ADAM22: variants seen among roughly 807,000 people sequenced by gnomAD.
ADAM22 encodes ADAM metallopeptidase domain 22, also known as disintegrin and metalloproteinase domain-containing protein 22.
ADAM22 carries 65 observed loss-of-function variants against 144.6 expected under a neutral mutation model. The observed-to-expected ratio is 0.45, with a 90% CI of 0.37 to 0.55. The LOEUF is 0.55. Among genes scored for constraint, ADAM22 ranks in the 20% least tolerant of loss-of-function variants. The pLI is 0.00. For synonymous variants in ADAM22, 391 were observed against 412.6 expected, an observed-to-expected ratio of 0.95 and a Z score of 0.63; for missense variants, 974 against 1,184.9, an observed-to-expected ratio of 0.82 and a Z score of 2.61.
At chr7:88,101,272 G>T (rs1468689282) in intron 4 of ADAM22, among the ~76,000 whole-genome samples, 1 of 152,104 alleles carries the variant, frequency 6.6e-6, no homozygotes, top group Non-Finnish European at 1.5e-5. Flanking sequence ...TTGTGGAAGA[G>T]GGTGACTGGC....
chr7:87,955,884 C>G (rs1447205690), intron 2 of ADAM22, among the ~76,000 whole-genome samples: 1 of 152,194 alleles, frequency 6.6e-6, no homozygotes, highest in South Asian at 2.1e-4. Context: ...TCTCAGACTG[C>G]TGTGCTAGCA....
At chr7:87,938,021 T>C (rs994349857) in intron 2 of ADAM22, among the ~76,000 whole-genome samples, 1 of 152,116 alleles carries the variant, frequency 6.6e-6, no homozygotes, top group African/African-American at 2.4e-5. Context: ...TAAAGACCTG[T>C]TTATCTTAGG....
intron 3 of ADAM22, among the ~76,000 whole-genome samples, chr7:88,039,487 A>G (rs1269357778): frequency 1.5e-5 from 2 of 134,504 alleles, no homozygotes; most frequent in East Asian, 2.2e-4. Context: ...ATATATATAC[A>G]TTTCATGTAC....
At position 88,163,002 on chromosome 7, in the gene ADAM22, T is replaced by G. The variant is rs370156497; in HGVS notation, c.1908-10T>G. 9 of 1,601,846 alleles carry G rather than the reference T, an allele frequency of 5.6e-6. No homozygotes were observed. The highest frequency in any genetic ancestry group is 7.7e-6 in the Non-Finnish European group (9 of 1,176,334). ...AATAGATTCATTTTTTGCTCTCAAT[T>G]TGTTTTTAGTGGTGGGCATGTTAAG... is the stretch of plus-strand genomic sequence containing the variant. On this transcript the variant is annotated splice_polypyrimidine_tract_variant and intron_variant, in intron 22 of 31. Coordinates refer to ENST00000413139, the MANE Select transcript of ADAM22 (RefSeq NM_001324418.2).
rs147224506 is a variant in ADAM22, at chr7:88,015,923, C to A, written c.323+37511C>A. On this transcript the variant is annotated intron_variant, in intron 3 of 31. Transcript: ENST00000413139. ...GTGGTACACTTTTCCCATGAGACAA[C>A]TGCTTTCAAATCCTTCTTTTTTTTT... Among the ~76,000 whole-genome samples, 671 of 144,798 alleles carry A rather than the reference C, an allele frequency of 4.6e-3. 2 individuals carry two copies. The highest frequency in any genetic ancestry group is 0.016 in the African/African-American group (634 of 40,096). 95.0% of individuals were successfully genotyped at this position (144,798 alleles called of 152,430 possible). A position where few individuals can be genotyped will look rare whatever the true frequency, so the allele number is the denominator to read the frequency against.
intron 5 of ADAM22, among the ~76,000 whole-genome samples, chr7:88,111,521 G>A (rs1279918185): frequency 6.6e-6 from 1 of 152,060 alleles, no homozygotes; most frequent in Non-Finnish European, 1.5e-5. Context: ...TGGTGTGTTT[G>A]GTGTTAATGC....
At chr7:87,995,790 C>T (rs947515965) in intron 3 of ADAM22, among the ~76,000 whole-genome samples, 13 of 152,244 alleles carry the variant, frequency 8.5e-5, no homozygotes, top group East Asian at 7.7e-4. Context: ...AACCCTGCAC[C>T]GATATGTCAC....
At chr7:88,009,920 A>G (rs531580831) in intron 3 of ADAM22, among the ~76,000 whole-genome samples, 1 of 152,334 alleles carries the variant, frequency 6.6e-6, no homozygotes, top group South Asian at 2.1e-4. Flanking sequence ...ACTTTACTGT[A>G]CACAATAGTG....
chr7:88,063,601 G>A (rs1282455623), intron 3 of ADAM22, among the ~76,000 whole-genome samples: 1 of 152,128 alleles, frequency 6.6e-6, no homozygotes, highest in Non-Finnish European at 1.5e-5. Context: ...GGAATTTCTA[G>A]ATTGAAAGTG....
chr7:88,128,135 C>G lies in ADAM22; in HGVS notation c.679-467C>G, dbSNP rs151083899. 3.2e-3 allele frequency among the ~76,000 whole-genome samples: 489 copies of G among 152,066 alleles called. 2 individuals carry two copies. Among genetic ancestry groups the G allele is most frequent in the African/African-American group, 0.011 (468 of 41,514 alleles). On this transcript the variant is annotated intron_variant, in intron 8 of 31. Transcript: ENST00000413139. ...AATCACTCCAGTCCCTGTACCCTCT[C>G]GGAGATCCTCAGAGGACCTGAAATT... is the stretch of plus-strand genomic sequence containing the variant.
intron 10 of ADAM22, among the ~76,000 whole-genome samples, chr7:88,130,781 C>A (rs972585361): frequency 2.0e-5 from 3 of 152,138 alleles, no homozygotes; most frequent in African/African-American, 7.2e-5. Flanking sequence ...ATAGTTGTGC[C>A]TTTAAGAGTG....
At chr7:88,020,045 C>G (rs1797456694) in intron 3 of ADAM22, among the ~76,000 whole-genome samples, 1 of 152,086 alleles carries the variant, frequency 6.6e-6, no homozygotes, top group Admixed American at 6.6e-5. Context: ...TGAAAGCCAT[C>G]TCTTAGGTGG....
chr7:88,012,904 G>A (rs758663408), intron 3 of ADAM22, among the ~76,000 whole-genome samples: 5 of 152,120 alleles, frequency 3.3e-5, no homozygotes, highest in East Asian at 1.9e-4. Flanking sequence ...GAGAGTAGCC[G>A]TTTGTTCTGG....
At chr7:87,975,443 A>G (rs1851683194) in intron 2 of ADAM22, among the ~76,000 whole-genome samples, 1 of 152,186 alleles carries the variant, frequency 6.6e-6, no homozygotes, top group African/African-American at 2.4e-5. Context: ...ATCAATCTGT[A>G]TATAGTCTAA....
At chr7:88,144,018 T>C (rs1466041965) in intron 15 of ADAM22, among the ~76,000 whole-genome samples, 4 of 152,220 alleles carry the variant, frequency 2.6e-5, no homozygotes, top group Non-Finnish European at 5.9e-5. Flanking sequence ...GTGGTTATCA[T>C]TTGGATAAGT....
intron 11 of ADAM22, chr7:88,132,439 C>CT (rs1338343916): frequency 1.9e-5 from 3 of 154,860 alleles, no homozygotes; most frequent in Non-Finnish European, 4.3e-5. Context: ...CTTTAGTCTC[C>CT]TTTAATCTGA....
chr7:88,149,014 A>T lies in ADAM22; in HGVS notation c.1523A>T (p.Asn508Ile). 6.2e-7 allele frequency: 1 copy of T among 1,612,554 alleles called. No individual in the cohort carries two copies. Residue 508 changes from asparagine to isoleucine, a missense_variant, in exon 18 of 32, where the codon AAT becomes ATT. By Grantham distance (149) the Asn-to-Ile change is moderately radical. Around this residue, in one of 2 missense-constraint regions of ADAM22, gnomAD observed 734 missense variants for 950.6 expected, o/e 0.77. Coordinates refer to ENST00000413139, the MANE Select transcript of ADAM22 (RefSeq NM_001324418.2). ...GGCACTGTGTGCCGAGAAGCAGTAA[A>T]TGATTGTGATATTCGTGAAACGTGC... ...PMGTVCREAV[N>I]DCDIRETCSG...
At chr7:88,181,780 C>T (rs1847093707) in intron 28 of ADAM22, among the ~76,000 whole-genome samples, 175 bp downstream of exon 28, 1 of 152,140 alleles carries the variant, frequency 6.6e-6, no homozygotes, top group African/African-American at 2.4e-5. Context: ...TGGGATTCGG[C>T]AGCACCAGGA....
chr7:88,026,720 C>A (rs150370516), intron 3 of ADAM22, among the ~76,000 whole-genome samples: 44 of 152,224 alleles, frequency 2.9e-4, no homozygotes, highest in African/African-American at 9.4e-4. Context: ...TTTTTAATTT[C>A]TCTTGTCTGA....
Sources: gnomAD v4.1 joint callset for allele counts (sites outside exome capture counted in the v4.1 genomes callset) on GRCh38, gnomAD v4.1.1 for gene constraint, gnomAD v4.1.1 regional missense constraint, MANE v1.5 for transcripts, NCBI Gene and HGNC (gene_info 2026-07-23, HGNC 2026-07-21) for gene names.